ODAD2: variants seen among roughly 807,000 people sequenced by gnomAD.
ODAD2 encodes the protein outer dynein arm-docking complex subunit 2.
ODAD2 carries 89 observed loss-of-function variants against 106.8 expected under a neutral mutation model. The observed-to-expected ratio is 0.83, with a 90% confidence interval of 0.70 to 0.99. The LOEUF is 0.99. ODAD2 is among the 50% of genes least tolerant of loss of function. The pLI, the probability that ODAD2 is intolerant of heterozygous loss-of-function variation, is 0.00. For synonymous variants in ODAD2, 404 were observed against 436.2 expected (o/e 0.93, Z 0.92); for missense variants, 1,168 against 1,238.5 (o/e 0.94, Z 0.85).
intron 16 of ODAD2, among the ~76,000 whole-genome samples, chr10:27,928,252 G>A (rs559609919): frequency 2.5e-4 from 38 of 152,164 alleles, no homozygotes; most frequent in African/African-American, 9.1e-4. Flanking sequence ...CCAGCAAACC[G>A]AACATCATCT....
At chr10:27,862,326 G>T (rs1840105632) in intron 18 of ODAD2, 108 bp downstream of exon 18, 1 of 766,886 alleles carries the variant, frequency 1.3e-6, no homozygotes, top group African/African-American at 1.8e-5. Context: ...TAAGCAATGG[G>T]TATTAAACTT....
At chr10:27,979,467 CACACAG>C (rs1194431385) in intron 7 of ODAD2, among the ~76,000 whole-genome samples, 37 of 149,728 alleles carry the variant, frequency 2.5e-4, no homozygotes, top group South Asian at 2.4e-3. Flanking sequence ...CACACACACA[CACACAG>C]AGTTAAATGA....
intron 19 of ODAD2, among the ~76,000 whole-genome samples, chr10:27,835,587 T>C (rs911512620): frequency 6.6e-6 from 1 of 152,192 alleles, no homozygotes; most frequent in African/African-American, 2.4e-5. Context: ...GATAGCCTAC[T>C]GTTGCTCAGA....
intron 17 of ODAD2, among the ~76,000 whole-genome samples, chr10:27,879,936 T>A (rs1841590313): frequency 6.6e-6 from 1 of 152,222 alleles, no homozygotes; most frequent in South Asian, 2.1e-4. Flanking sequence ...CTCTCTCATT[T>A]ATCGAAGTTC....
At chr10:27,969,758 T>C (rs1179641959) in intron 8 of ODAD2, among the ~76,000 whole-genome samples, 5 of 152,160 alleles carry the variant, frequency 3.3e-5, no homozygotes, top group Non-Finnish European at 7.3e-5. Context: ...AACCCAAAAA[T>C]GGGACAACAT....
chr10:27,969,503 A>C (rs1349484978), intron 8 of ODAD2, among the ~76,000 whole-genome samples: 1 of 152,306 alleles, frequency 6.6e-6, no homozygotes, highest in Non-Finnish European at 1.5e-5. Flanking sequence ...TTTAAAACTC[A>C]CTTGCCAGTT....
chr10:27,983,508 T>C (rs1017762337), intron 6 of ODAD2, among the ~76,000 whole-genome samples: 5 of 152,258 alleles, frequency 3.3e-5, no homozygotes, highest in African/African-American at 1.2e-4. Context: ...TTATGACATC[T>C]GTATTATCTC....
intron 17 of ODAD2, among the ~76,000 whole-genome samples, chr10:27,888,762 T>A (rs1438186811): frequency 3.3e-5 from 5 of 152,272 alleles, no homozygotes; most frequent in Admixed American, 6.5e-5. Flanking sequence ...AAATAAAAAA[T>A]TTTTAAAAAG....
At chr10:27,976,528 A>T (rs1404542582) in intron 7 of ODAD2, among the ~76,000 whole-genome samples, 1 of 152,188 alleles carries the variant, frequency 6.6e-6, no homozygotes, top group Non-Finnish European at 1.5e-5. Context: ...AAACACAGAT[A>T]AGTTTCAAAA....
chr10:27,859,283 T>C (rs528975652), intron 19 of ODAD2, among the ~76,000 whole-genome samples: 291 of 152,256 alleles, frequency 1.9e-3, no homozygotes, highest in Non-Finnish European at 3.1e-3. Context: ...GGCCAGATTT[T>C]TGCTTGAAGA....
At chr10:27,901,818 T>C (rs1321782560) in intron 17 of ODAD2, among the ~76,000 whole-genome samples, 1 of 152,134 alleles carries the variant, frequency 6.6e-6, no homozygotes, top group Non-Finnish European at 1.5e-5. Context: ...AAAACAATTC[T>C]TGGAGACCTA....
intron 14 of ODAD2, among the ~76,000 whole-genome samples, chr10:27,937,494 G>T (rs1025670440): frequency 6.6e-6 from 1 of 151,978 alleles, no homozygotes; most frequent in South Asian, 2.1e-4. Context: ...AGCAGTGAGT[G>T]ATATCAATAG....
intron 17 of ODAD2, among the ~76,000 whole-genome samples, chr10:27,872,087 G>T (rs1254426401): frequency 6.6e-6 from 1 of 151,922 alleles, no homozygotes; most frequent in Non-Finnish European, 1.5e-5. Context: ...TTGTAAGTTG[G>T]ATCCCTAGGT....
At chr10:27,866,770 C>G (rs186947429) in intron 17 of ODAD2, among the ~76,000 whole-genome samples, 2 of 152,012 alleles carry the variant, frequency 1.3e-5, no homozygotes, top group Admixed American at 6.6e-5. Flanking sequence ...ACTAATAGAC[C>G]AAGAAGAACT....
At chr10:27,979,922 A>C (rs573689393) in intron 7 of ODAD2, among the ~76,000 whole-genome samples, 56 of 152,316 alleles carry the variant, frequency 3.7e-4, no homozygotes, top group African/African-American at 1.3e-3. Context: ...CTAAAAAACA[A>C]AAACAAAGTT....
chr10:27,925,949 T>C (rs1845225235), intron 16 of ODAD2, among the ~76,000 whole-genome samples: 2 of 145,732 alleles, frequency 1.4e-5, no homozygotes, highest in African/African-American at 5.1e-5. Flanking sequence ...AGGGTTGCAG[T>C]GAGCCAAGAT....
At chr10:27,960,602 G>A (rs190207365) in intron 10 of ODAD2, among the ~76,000 whole-genome samples, 3 of 151,904 alleles carry the variant, frequency 2.0e-5, no homozygotes, top group East Asian at 1.9e-4. Context: ...CACCCTCCTC[G>A]GCCTCCCAAA....
chr10:27,906,919 G>T (rs12415974), intron 17 of ODAD2, among the ~76,000 whole-genome samples: 2 of 152,060 alleles, frequency 1.3e-5, no homozygotes, highest in Admixed American at 6.6e-5. Flanking sequence ...TGTAGATGAC[G>T]GGTTGATGGG....
chr10:27,924,127 A>C (rs1449377510), intron 16 of ODAD2, among the ~76,000 whole-genome samples: 3 of 152,102 alleles, frequency 2.0e-5, no homozygotes, highest in African/African-American at 7.2e-5. Context: ...TATTGTCATT[A>C]AAAAAGCATC....
Sources: gnomAD v4.1 joint callset for allele counts (sites outside exome capture counted in the v4.1 genomes callset) on GRCh38, gnomAD v4.1.1 for gene constraint, MANE v1.5 for transcripts, NCBI Gene and HGNC (gene_info 2026-07-23, HGNC 2026-07-21) for gene names.